GARS1: variants seen among roughly 807,000 people sequenced by gnomAD.
GARS1 encodes glycyl-tRNA synthetase 1.
In GARS1, 46 loss-of-function variants were observed where a neutral mutation model predicts 86.4. The ratio of observed to expected loss-of-function variants is 0.53; its 90% CI spans 0.42 to 0.68. GARS1 has a LOEUF of 0.68. GARS1 is among the 30% of genes least tolerant of loss of function. GARS1 has a pLI of 0.00. For missense variants in GARS1, 797 were observed against 915.6 expected (o/e 0.87, Z 1.67); for synonymous variants, 342 against 329.8 (o/e 1.04, Z -0.40).
chr7:30,594,942 G>T lies in GARS1; in HGVS notation c.21G>T (p.Val7=). MPSPRP[V]LLRGARAALL... The stretch of plus-strand genomic sequence containing the variant: ...GGCTCATGCCCTCTCCGCGTCCAGT[G>T]CTGCTTAGAGGTGCTCGCGCCGCTC... The change falls in exon 1 of 17, where the codon GTG becomes GTT. Residue 7 remains valine (V), a synonymous_variant. Coordinates refer to ENST00000389266, the MANE Select transcript of GARS1 (RefSeq NM_002047.4). The T allele has an allele frequency of 6.3e-7, 1 of 1,595,142 alleles. No homozygotes were observed.
chr7:30,618,879 A>G (rs1782943183), intron 10 of GARS1, among the ~76,000 whole-genome samples: 1 of 152,238 alleles, frequency 6.6e-6, no homozygotes, highest in Admixed American at 6.5e-5. Context: ...TCAAAATGAT[A>G]ATAGTAATTA....
intron 6 of GARS1, among the ~76,000 whole-genome samples, chr7:30,608,071 A>G (rs1282390606): frequency 6.6e-6 from 1 of 152,216 alleles, no homozygotes; most frequent in African/African-American, 2.4e-5. Flanking sequence ...TATATTTTAC[A>G]TAACCAGTTG....
intron 3 of GARS1, among the ~76,000 whole-genome samples, chr7:30,600,774 A>G (rs1791357056): frequency 2.0e-5 from 3 of 152,192 alleles, no homozygotes; most frequent in Admixed American, 2.0e-4. Flanking sequence ...ACGGCAGAAA[A>G]CTGTAATCTG....
At chr7:30,629,711 A>G (rs1020938611) in intron 14 of GARS1, among the ~76,000 whole-genome samples, 5 of 152,222 alleles carry the variant, frequency 3.3e-5, no homozygotes, top group Admixed American at 3.3e-4. Flanking sequence ...TCTCTGCCCT[A>G]AAGTTGCATC....
At chr7:30,600,944 A>G (rs1214763300) in intron 3 of GARS1, 115 bp from the exon 4 acceptor site, 2 of 953,052 alleles carry the variant, frequency 2.1e-6, no homozygotes, top group Non-Finnish European at 1.7e-6. Context: ...AGGGATTTGC[A>G]TTGTTGACTT....
chr7:30,632,571 A>G lies in GARS1; in HGVS notation c.2094+134A>G, dbSNP rs900407132. 6.8e-6 allele frequency: 6 copies of G among 882,714 alleles called. No individual in the cohort carries two copies. Among genetic ancestry groups the G allele is most frequent in the Non-Finnish European group, 9.0e-6 (5 of 554,220 alleles). 54.7% of individuals were successfully genotyped at this position (882,714 alleles called of 1,614,324 possible). On this transcript the variant is annotated intron_variant, in intron 16 of 16. Coordinates refer to ENST00000389266, the MANE Select transcript of GARS1 (RefSeq NM_002047.4). This position sits in a 1 kb window ranked among gnomAD's most constrained non-coding sequence, Gnocchi z 4.1. The stretch of plus-strand genomic sequence containing the variant: ...TTAATTTTAATGAACGGCTTGTATC[A>G]GACAGAGCCCAGATTCTCAAGTCCC...
intron 12 of GARS1, among the ~76,000 whole-genome samples, chr7:30,626,015 T>A (rs1783120915): frequency 6.6e-6 from 1 of 152,242 alleles, no homozygotes; most frequent in South Asian, 2.1e-4. Context: ...AGTCAAAATT[T>A]GGTGTATGTC....
intron 10 of GARS1, among the ~76,000 whole-genome samples, chr7:30,621,157 G>A (rs757925805): frequency 6.6e-5 from 10 of 150,536 alleles, no homozygotes; most frequent in Non-Finnish European, 1.5e-4. Context: ...CAAGTACCTG[G>A]GATTACAGGC....
chr7:30,595,995 G>T, intron 1 of GARS1: 1 of 437,114 alleles, frequency 2.3e-6, no homozygotes, highest in Non-Finnish European at 4.7e-6. Flanking sequence ...CTTTTCCTAG[G>T]GCACTGCCAT....
upstream of GARS1, chr7:30,594,770 G>A (rs1375035618): frequency 1.5e-6 from 1 of 647,334 alleles, no homozygotes; most frequent in African/African-American, 1.9e-5. Context: ...TGTCGAATCT[G>A]CGGCGGCGAC....
At chr7:30,628,835 T>TCCTG (rs751022940) in intron 14 of GARS1, among the ~76,000 whole-genome samples, 166 bp downstream of exon 14, 54 of 152,346 alleles carry the variant, frequency 3.5e-4, no homozygotes, top group South Asian at 2.3e-3. Context: ...CAAACCAGTT[T>TCCTG]CCTGTGTTAT....
In GARS1 at chr7:30,612,186, C is replaced by G. The variant is rs764305863; in HGVS notation, c.972C>G (p.Ala324=). 1.2e-6 allele frequency: 2 copies of G among 1,614,054 alleles called. No individual in the cohort carries two copies. The highest frequency in any genetic ancestry group is 2.2e-5 in the South Asian group (2 of 91,076). ...AAGGAAAGTTGCCTTTTGCTGCTGC[C>G]CAGATTGGAAATTCTTTTAGAAATG... ...FNQGKLPFAA[A]QIGNSFRNEI... The change falls in exon 8 of 17, where the codon GCC becomes GCG. Residue 324 remains alanine, a synonymous_variant. Transcript: ENST00000389266.
rs1347578617 is a variant in GARS1 at position 30,633,753 on chromosome 7, A to G, written c.2113A>G (p.Ile705Val). The G allele has an allele frequency of 5.6e-6, 9 of 1,614,128 alleles. No homozygotes were observed. The highest frequency in any genetic ancestry group is 7.6e-6 in the Non-Finnish European group (9 of 1,179,992). The change falls in exon 17 of 17, where the codon ATA becomes GTA. Residue 705 changes from isoleucine (I) to valine (V), a missense_variant. By Grantham distance (29) the Ile-to-Val change is conservative. Around this residue, in one of 2 missense-constraint regions of GARS1, gnomAD observed 598 missense variants for 738.7 expected, o/e 0.81. Transcript: ENST00000389266. ...TCTCTAGATCTCTGAGCTGCCCAGCATAGTCCAAGACCTAGCCAATGGCAA... is the reference window on the plus strand; with the variant it reads ...TCTCTAGATCTCTGAGCTGCCCAGCGTAGTCCAAGACCTAGCCAATGGCAA... ...IRAEISELPSIVQDLANGNIT... is the reference protein window; with the variant it reads ...IRAEISELPSVVQDLANGNIT...
Position 30,617,186 on chromosome 7 carries a change from T to C in GARS1, c.1267T>C (p.Ser423Pro), listed in dbSNP as rs571142002. 3 of 1,614,072 alleles carry C rather than the reference T, an allele frequency of 1.9e-6. No homozygotes were observed. In the South Asian group the frequency reaches 3.3e-5, roughly 18 times the overall value. Residue 423 changes from serine to proline, a missense_variant, in exon 10 of 17, where the codon TCT becomes CCT. Coordinates refer to ENST00000389266, the MANE Select transcript of GARS1 (RefSeq NM_002047.4). The part of the protein sequence containing the change: ...IYLYLTKVGI[S>P]PDKLRFRQHM... ...CCTCTACCTCACGAAGGTTGGAATA[T>C]CTCCAGATAAACTCCGCTTCCGGCA...
intron 8 of GARS1, among the ~76,000 whole-genome samples, chr7:30,613,269 A>C (rs562160801): frequency 6.6e-6 from 1 of 152,216 alleles, no homozygotes; most frequent in Non-Finnish European, 1.5e-5. Context: ...GAATGTGCCC[A>C]ACTTAGAGAA....
At chr7:30,622,567 A>T in intron 12 of GARS1, 105 bp downstream of exon 12, 1 of 1,333,526 alleles carries the variant, frequency 7.5e-7, no homozygotes, top group Non-Finnish European at 1.1e-6. Context: ...GCAGGTAAGT[A>T]CTGTATCTTG....
At chr7:30,604,369 T>A (rs545312497) in intron 6 of GARS1, among the ~76,000 whole-genome samples, 40 of 152,312 alleles carry the variant, frequency 2.6e-4, no homozygotes, top group African/African-American at 9.1e-4. Flanking sequence ...AAATTTTATT[T>A]ACTTCCTTGG....
intron 10 of GARS1, among the ~76,000 whole-genome samples, chr7:30,620,354 T>G (rs1782979936): frequency 6.6e-6 from 1 of 152,144 alleles, no homozygotes; most frequent in South Asian, 2.1e-4. Context: ...CATCGTCTGA[T>G]CCTTGTGAGG....
In GARS1 at chr7:30,601,028, A is replaced by G. The variant is rs139026353; in HGVS notation, c.428-31A>G. 2.2e-4 allele frequency: 356 copies of G among 1,609,576 alleles called. No individual in the cohort carries two copies. In the African/African-American group the frequency reaches 4.3e-3, roughly 19 times the overall value. On this transcript the variant is annotated intron_variant, in intron 3 of 16. Coordinates refer to ENST00000389266, the MANE Select transcript of GARS1 (RefSeq NM_002047.4). ...CTTCATTTGTTCAGAGTAACAAGGT[A>G]AAGTATGTGTTTTCCTCTCATATTC...
Sources: allele counts gnomAD v4.1 joint callset (sites outside exome capture counted in the v4.1 genomes callset), GRCh38; gene constraint gnomAD v4.1.1; regional missense constraint gnomAD v4.1.1; non-coding constraint Gnocchi (gnomAD v3.1); transcripts MANE v1.5; gene names NCBI Gene and HGNC (gene_info 2026-07-23, HGNC 2026-07-21).